Variants in CSMD1 observed in about 807,000 individuals in gnomAD.
CSMD1 encodes CUB and Sushi multiple domains 1, also known as CUB and sushi domain-containing protein 1.
In CSMD1, 213 loss-of-function variants were observed where a neutral mutation model predicts 417.5. The ratio of observed to expected loss-of-function variants is 0.51; its 90% confidence interval spans 0.46 to 0.57. The LOEUF is 0.57. Ranked by LOEUF, CSMD1 falls within the 20% of genes least tolerant of loss-of-function variation. CSMD1 has a pLI of 0.00. For synonymous variants in CSMD1, 2,862 were observed against 1,736.8 expected, an observed-to-expected ratio of 1.65 and a Z score of -16.11; for missense variants, 6,923 against 4,529.7, an observed-to-expected ratio of 1.53 and a Z score of -15.17.
intron 3 of CSMD1, among the ~76,000 whole-genome samples, chr8:4,268,606 A>G (rs17069792): frequency 0.099 from 15,106 of 152,244 alleles, 903 homozygotes; most frequent in African/African-American, 0.16. Flanking sequence ...TTGCAAGAGT[A>G]GCTATGGGAT....
chr8:2,936,513 C>G lies in CSMD1; in HGVS notation c.*2072G>C, dbSNP rs187548457. The G allele has an allele frequency of 6.6e-6, 1 of 152,176 alleles. No homozygotes were observed. The highest frequency in any genetic ancestry group is 2.1e-4 in the South Asian group (1 of 4,822). 9.4% of individuals were successfully genotyped at this position (152,176 alleles called of 1,614,324 possible). Reference sequence around the variant, plus strand: ...TGTTAGGAGCACGACTCCCGCTGACCTCGTCCCGTCTACTGTGAAACAGCA... The same window carrying G: ...TGTTAGGAGCACGACTCCCGCTGACGTCGTCCCGTCTACTGTGAAACAGCA... On this transcript the variant is annotated 3_prime_UTR_variant, in exon 70 of 70. Coordinates refer to ENST00000635120, the MANE Select transcript of CSMD1 (RefSeq NM_033225.6).
intron 5 of CSMD1, among the ~76,000 whole-genome samples, chr8:3,872,958 A>C (rs1372798152): frequency 6.6e-6 from 1 of 152,194 alleles, no homozygotes; most frequent in East Asian, 1.9e-4. Context: ...AAAAAAGCTC[A>C]ACATCACTGA....
At position 3,532,156 on chromosome 8, in the gene CSMD1, T is replaced by C. The variant is rs117928825; in HGVS notation, c.1345-38430A>G. 1.8e-3 allele frequency among the ~76,000 whole-genome samples: 279 copies of C among 152,286 alleles called. 3 individuals are homozygous for C. The East Asian group carries it at 0.046, about 25-fold the overall frequency. ...TCTCTGGAGTAGAAAGGTGTTCGCT[T>C]TGTTTCTCCTATGAAATTTCTGCTC... On this transcript the variant is annotated intron_variant, in intron 10 of 69. Transcript: ENST00000635120.
chr8:3,825,794 C>G (rs964820560), intron 5 of CSMD1, among the ~76,000 whole-genome samples: 1 of 152,098 alleles, frequency 6.6e-6, no homozygotes, highest in African/African-American at 2.4e-5. Flanking sequence ...AGGCTTAGTC[C>G]AGATGATATG....
intron 12 of CSMD1, among the ~76,000 whole-genome samples, chr8:3,424,573 C>T (rs1563375159): frequency 2.0e-5 from 3 of 152,136 alleles, no homozygotes; most frequent in Non-Finnish European, 4.4e-5. Context: ...CTTAGTAAAA[C>T]AATATGACTT....
rs1222307581 is a variant in CSMD1, at chr8:3,292,920, C to G, written c.3951-8574G>C. The stretch of plus-strand genomic sequence containing the variant: ...TTAGTTGATGCAGTTTCTTCCTAGT[C>G]TCGATGGTCTTTACATTTTGGCATG... On this transcript the variant is annotated intron_variant, in intron 25 of 69. Coordinates refer to ENST00000635120, the MANE Select transcript of CSMD1 (RefSeq NM_033225.6). Among the ~76,000 whole-genome samples the G allele has an allele frequency of 9.9e-5, 15 of 151,776 alleles. No individual in the cohort carries two copies. The Admixed American group carries it at 9.9e-4, about 10-fold the overall frequency.
intron 2 of CSMD1, among the ~76,000 whole-genome samples, chr8:4,515,109 T>A (rs1803044131): frequency 6.6e-6 from 1 of 152,196 alleles, no homozygotes; most frequent in South Asian, 2.1e-4. Context: ...TTACAGCAGC[T>A]CCCTTGGAAA....
chr8:4,794,959 T>TAA (rs1797893844), intron 1 of CSMD1, among the ~76,000 whole-genome samples: 1 of 142,938 alleles, frequency 7.0e-6, no homozygotes, highest in Non-Finnish European at 1.5e-5. Flanking sequence ...GTTTCCATGG[T>TAA]GGAGTAAAGC....
rs1401951839 is a variant in CSMD1 at position 4,446,733 on chromosome 8, CTGTGTGTGTGTGTGTGTGTGTCTGTGTG to C, written c.303-26696_303-26669del. On this transcript the variant is annotated intron_variant, in intron 2 of 69. Coordinates refer to ENST00000635120, the MANE Select transcript of CSMD1 (RefSeq NM_033225.6). ...ATGCCTGAGTTGTGTGTGTGTGTGT[CTGTGTGTGTGTGTGTGTGTGTCTGTGTG>C]TGTGTGTGTGTGTGTGTGTGTGTGT... Among the ~76,000 whole-genome samples, 432 of 134,088 alleles carry C rather than the reference CTGTGTGTGTGTGTGTGTGTGTCTGTGTG, an allele frequency of 3.2e-3. 2 individuals carry two copies. The highest frequency in any genetic ancestry group is 0.011 in the African/African-American group (394 of 35,366). 88.0% of individuals were successfully genotyped at this position (134,088 alleles called of 152,430 possible).
At chr8:4,664,719 T>G (rs1033283012) in intron 1 of CSMD1, among the ~76,000 whole-genome samples, 1 of 152,162 alleles carries the variant, frequency 6.6e-6, no homozygotes, top group Non-Finnish European at 1.5e-5. Context: ...AAATTTTATT[T>G]TATATAAAAG....
At chr8:3,456,474 A>G (rs1816147737) in intron 12 of CSMD1, among the ~76,000 whole-genome samples, 1 of 152,196 alleles carries the variant, frequency 6.6e-6, no homozygotes, top group South Asian at 2.1e-4. Context: ...TACAATTTAG[A>G]AAATGCATAA....
intron 23 of CSMD1, among the ~76,000 whole-genome samples, chr8:3,315,420 A>G (rs1805676117): frequency 7.8e-6 from 1 of 128,574 alleles, no homozygotes; most frequent in Non-Finnish European, 1.7e-5. Context: ...TTCAAGAATG[A>G]AATTCTAGGT....
At chr8:4,520,776 G>C (rs1331828080) in intron 2 of CSMD1, among the ~76,000 whole-genome samples, 1 of 152,132 alleles carries the variant, frequency 6.6e-6, no homozygotes, top group African/African-American at 2.4e-5. Context: ...TTTAAATATA[G>C]ATTATTGCAA....
intron 1 of CSMD1, among the ~76,000 whole-genome samples, chr8:4,804,457 G>T (rs1355768151): frequency 1.4e-5 from 2 of 147,116 alleles, no homozygotes; most frequent in African/African-American, 2.5e-5. Context: ...CTTCGGTGTA[G>T]ATTTTTTTTT....
intron 1 of CSMD1, among the ~76,000 whole-genome samples, chr8:4,984,215 A>C (rs1310624113): frequency 1.3e-5 from 2 of 152,222 alleles, no homozygotes; most frequent in Admixed American, 1.3e-4. Context: ...TAACCATCAC[A>C]GGACTTGAAG....
chr8:3,317,373 C>T (rs1334143197), intron 23 of CSMD1, among the ~76,000 whole-genome samples: 5 of 152,174 alleles, frequency 3.3e-5, no homozygotes, highest in East Asian at 1.9e-4. Flanking sequence ...AAATAGTAAT[C>T]GCAATAATTA....
intron 1 of CSMD1, among the ~76,000 whole-genome samples, chr8:4,950,407 C>G (rs780038267): frequency 2.0e-5 from 3 of 151,914 alleles, no homozygotes; most frequent in Admixed American, 6.6e-5. Flanking sequence ...CACAAACAAG[C>G]GTTTTTAGAT....
intron 1 of CSMD1, among the ~76,000 whole-genome samples, chr8:4,918,608 G>C (rs1178363882): frequency 1.3e-5 from 2 of 152,154 alleles, no homozygotes; most frequent in Admixed American, 1.3e-4. Context: ...GCTGAAAAGT[G>C]ATAGCTGAAT....
At chr8:3,230,514 G>A (rs2116907646) in intron 26 of CSMD1, among the ~76,000 whole-genome samples, 1 of 152,154 alleles carries the variant, frequency 6.6e-6, no homozygotes, top group Middle Eastern at 3.4e-3. Flanking sequence ...ATTATCCTTA[G>A]AATAAATACA....
Sources: gnomAD v4.1 joint callset for allele counts (sites outside exome capture counted in the v4.1 genomes callset) on GRCh38, gnomAD v4.1.1 for gene constraint, MANE v1.5 for transcripts, NCBI Gene and HGNC (gene_info 2026-07-23, HGNC 2026-07-21) for gene names.